Variants in LRRC7 observed in about 807,000 individuals in gnomAD.
The protein encoded by LRRC7 is leucine-rich repeat-containing protein 7.
A neutral mutation model predicts 175.7 loss-of-function variants in LRRC7; 23 were observed. The observed-to-expected ratio is 0.13, with a 90% CI of 0.09 to 0.19. The LOEUF (loss-of-function observed/expected upper bound fraction) is 0.19. Ranked by LOEUF, LRRC7 falls within the 10% of genes least tolerant of loss-of-function variation. LRRC7 has a pLI of 1.00. For missense variants in LRRC7, 1,354 were observed against 1,904.7 expected (o/e 0.71, Z 5.38); for synonymous variants, 685 against 680.9 (o/e 1.01, Z -0.09).
At chr1:69,584,950 A>T in intron 1 of LRRC7, among the ~76,000 whole-genome samples, 1 of 152,066 alleles carries the variant, frequency 6.6e-6, no homozygotes, top group East Asian at 1.9e-4. Flanking sequence ...TTCCAATTTC[A>T]ACTCAGTGAT....
intron 2 of LRRC7, among the ~76,000 whole-genome samples, chr1:69,754,078 A>G (rs781649253): frequency 5.3e-5 from 8 of 152,006 alleles, no homozygotes; most frequent in East Asian, 3.9e-4. Flanking sequence ...AGGTTGTGCA[A>G]TGGGGCTGGG....
At chr1:69,886,057 T>C (rs1687154351) in intron 7 of LRRC7, among the ~76,000 whole-genome samples, 1 of 150,052 alleles carries the variant, frequency 6.7e-6, no homozygotes. Context: ...AATTTTGGAA[T>C]AGGTGTGGTG....
intron 1 of LRRC7, among the ~76,000 whole-genome samples, chr1:69,666,290 T>C (rs1423208958): frequency 6.6e-6 from 1 of 152,124 alleles, no homozygotes; most frequent in Admixed American, 6.5e-5. Flanking sequence ...GTTTTCTCTA[T>C]TGATGTATCT....
chr1:69,672,312 T>C (rs892242770), intron 1 of LRRC7, among the ~76,000 whole-genome samples: 1 of 152,214 alleles, frequency 6.6e-6, no homozygotes, highest in Admixed American at 6.5e-5. Context: ...ACATTTGAAG[T>C]GCTCAATAGC....
intron 2 of LRRC7, among the ~76,000 whole-genome samples, chr1:69,739,536 C>T (rs1668482295): frequency 6.6e-6 from 1 of 152,016 alleles, no homozygotes; most frequent in African/African-American, 2.4e-5. Context: ...CATCAAAGAG[C>T]AAAAGATTGT....
chr1:69,591,806 A>G (rs1646646459), intron 1 of LRRC7, among the ~76,000 whole-genome samples: 1 of 152,024 alleles, frequency 6.6e-6, no homozygotes, highest in East Asian at 1.9e-4. Flanking sequence ...TTAATGAGTC[A>G]TTAGCAAGCT....
In LRRC7 at chr1:69,587,659, TG is replaced by T. The variant is rs571314163; in HGVS notation, c.2+19023del. Among the ~76,000 whole-genome samples, 18 of 152,248 alleles carry T rather than the reference TG, an allele frequency of 1.2e-4. No homozygotes were observed. The East Asian group carries it at 3.5e-3, about 29-fold the overall frequency. On this transcript the variant is annotated intron_variant, in intron 1 of 26. Transcript: ENST00000651989. ...GATCTGATGGAAGGTAATTGGATCG[TG>T]GGGGTGGTTTCCCCCACGCTGTTCT...
At chr1:69,865,174 A>G (rs1452289782) in intron 7 of LRRC7, among the ~76,000 whole-genome samples, 2 of 152,104 alleles carry the variant, frequency 1.3e-5, no homozygotes, top group Admixed American at 6.6e-5. Context: ...GAAAAGGGTA[A>G]CTTAAGCACC....
chr1:69,853,471 GT>G (rs966989250), intron 7 of LRRC7, among the ~76,000 whole-genome samples: 6 of 151,762 alleles, frequency 4.0e-5, no homozygotes, highest in African/African-American at 7.3e-5. Flanking sequence ...TAGAGATGGG[GT>G]TTCACCATGT....
intron 1 of LRRC7, among the ~76,000 whole-genome samples, chr1:69,608,856 CTCTCTCTCTCTATATATATATA>C (rs1280594064): frequency 9.2e-3 from 267 of 29,122 alleles, no homozygotes; most frequent in East Asian, 0.022. Context: ...CTCTCTCTCT[CTCTCTCTCTCTATATATATATA>C]TATATATATA....
chr1:69,662,387 A>T (rs1657603616), intron 1 of LRRC7, among the ~76,000 whole-genome samples: 1 of 152,230 alleles, frequency 6.6e-6, no homozygotes, highest in South Asian at 2.1e-4. Flanking sequence ...CTTTATAAAT[A>T]AAGTGAGAAT....
At chr1:70,090,924 C>T (rs761404273) in intron 25 of LRRC7, among the ~76,000 whole-genome samples, 4 of 152,114 alleles carry the variant, frequency 2.6e-5, no homozygotes, top group African/African-American at 7.2e-5. Context: ...TTCTTATACT[C>T]TTCCTACCCT....
At chr1:69,948,996 G>A (rs1328539730) in intron 8 of LRRC7, among the ~76,000 whole-genome samples, 1 of 152,094 alleles carries the variant, frequency 6.6e-6, no homozygotes, top group African/African-American at 2.4e-5. Flanking sequence ...AGCCGTAACT[G>A]TCTAGAAATC....
intron 2 of LRRC7, among the ~76,000 whole-genome samples, chr1:69,687,268 G>T (rs1037717433): frequency 3.3e-5 from 5 of 151,986 alleles, no homozygotes; most frequent in Admixed American, 2.6e-4. Context: ...CAGCACTTTG[G>T]CAGGCTGAGG....
chr1:69,891,448 T>G (rs964069769), intron 7 of LRRC7, among the ~76,000 whole-genome samples: 2 of 152,152 alleles, frequency 1.3e-5, no homozygotes, highest in African/African-American at 4.8e-5. Context: ...TCACTGATCA[T>G]TGGCTGGGCA....
In LRRC7 at chr1:69,807,425, C is replaced by T. The variant is rs12729045; in HGVS notation, c.421+15265C>T. On this transcript the variant is annotated intron_variant, in intron 4 of 26. Coordinates refer to ENST00000651989, the MANE Select transcript of LRRC7 (RefSeq NM_001370785.2). ...TTTACATTTTGGCATGATTTTGCAG[C>T]GACTGGTACCGGTTGTTCCTTTCCA... 7.6e-3 allele frequency among the ~76,000 whole-genome samples: 1,150 copies of T among 152,072 alleles called. 12 individuals carry two copies. Among genetic ancestry groups the T allele is most frequent in the African/African-American group, 0.026 (1,091 of 41,492 alleles).
intron 5 of LRRC7, among the ~76,000 whole-genome samples, chr1:69,830,091 T>C (rs1413457571): frequency 6.6e-6 from 1 of 151,870 alleles, no homozygotes; most frequent in Non-Finnish European, 1.5e-5. Flanking sequence ...TACCTTTTTA[T>C]AGAGAGAAAT....
chr1:69,861,273 G>T (rs569267096), intron 7 of LRRC7, among the ~76,000 whole-genome samples: 21 of 152,186 alleles, frequency 1.4e-4, no homozygotes, highest in Admixed American at 2.6e-4. Flanking sequence ...CATTAATAAT[G>T]TTCATATTTT....
chr1:69,877,247 A>G (rs1686123853), intron 7 of LRRC7, among the ~76,000 whole-genome samples: 1 of 151,200 alleles, frequency 6.6e-6, no homozygotes, highest in African/African-American at 2.4e-5. Context: ...ATGGGATAAC[A>G]TTGGCTAAGT....
Sources: gnomAD v4.1 joint callset for allele counts (sites outside exome capture counted in the v4.1 genomes callset) on GRCh38, gnomAD v4.1.1 for gene constraint, MANE v1.5 for transcripts, NCBI Gene and HGNC (gene_info 2026-07-23, HGNC 2026-07-21) for gene names.